RAD51B: variants seen among roughly 807,000 people sequenced by gnomAD.
RAD51B encodes RAD51 paralog B, also known as DNA repair protein RAD51 homolog 2.
Under a neutral mutation model 42.2 loss-of-function variants are expected in RAD51B, and 38 were observed. The observed-to-expected ratio is 0.90, with a 90% CI of 0.70 to 1.18. RAD51B has a LOEUF of 1.18. Ranked by LOEUF, RAD51B falls within the 50% of genes most tolerant of loss-of-function variation. The probability of loss-of-function intolerance (pLI) is 0.00; values close to 1 mark genes in which losing one functional copy is unlikely to be tolerated. For missense variants in RAD51B, 373 were observed against 400.7 expected (o/e 0.93, Z 0.59); for synonymous variants, 154 against 145.2 (o/e 1.06, Z -0.43).
In RAD51B at chr14:68,241,652, T is replaced by A. The variant is rs962051061; in HGVS notation, c.757-50232T>A. Among the ~76,000 whole-genome samples, 63 of 152,186 alleles carry A rather than the reference T, an allele frequency of 4.1e-4. 1 individual carries two copies. Among genetic ancestry groups the A allele is most frequent in the Non-Finnish European group, 2.5e-4 (17 of 68,018 alleles). On this transcript the variant is annotated intron_variant, in intron 7 of 10. Transcript: ENST00000471583. ...ATAGGTTCCATTTAAATTTAAAATTTTTTAGTTCTCAGGTTTTATTTTTTT... is the reference window on the plus strand; with the variant it reads ...ATAGGTTCCATTTAAATTTAAAATTATTTAGTTCTCAGGTTTTATTTTTTT...
chr14:68,447,173 G>C (rs1239697397), intron 9 of RAD51B, among the ~76,000 whole-genome samples: 1 of 152,174 alleles, frequency 6.6e-6, no homozygotes, highest in South Asian at 2.1e-4. Flanking sequence ...AGCCAGGATT[G>C]TGCTACTGCA....
At chr14:68,395,556 G>T (rs923664454) in intron 8 of RAD51B, among the ~76,000 whole-genome samples, 1 of 152,094 alleles carries the variant, frequency 6.6e-6, no homozygotes, top group South Asian at 2.1e-4. Context: ...TTATGCTCTC[G>T]AGGTCTTCCC....
At chr14:68,119,565 G>A (rs544526158) in intron 7 of RAD51B, among the ~76,000 whole-genome samples, 16 of 143,398 alleles carry the variant, frequency 1.1e-4, no homozygotes, top group East Asian at 4.1e-4. Flanking sequence ...GAGAATATGC[G>A]GTGTTTGGTT....
At chr14:68,195,470 G>A (rs1301202425) in intron 7 of RAD51B, among the ~76,000 whole-genome samples, 2 of 152,132 alleles carry the variant, frequency 1.3e-5, no homozygotes, top group Non-Finnish European at 2.9e-5. Flanking sequence ...ACTTTTTTGA[G>A]GATGACCTAC....
chr14:67,916,501 C>G (rs1169962963), intron 7 of RAD51B, among the ~76,000 whole-genome samples: 1 of 152,010 alleles, frequency 6.6e-6, no homozygotes, highest in East Asian at 1.9e-4. Context: ...CCTTGGCCTT[C>G]CAAAGTGCTG....
At chr14:68,033,711 G>A (rs117003469) in intron 7 of RAD51B, among the ~76,000 whole-genome samples, 3 of 152,094 alleles carry the variant, frequency 2.0e-5, no homozygotes, top group Non-Finnish European at 4.4e-5. Flanking sequence ...AGCCCTTCCC[G>A]CAGACTGCTT....
intron 4 of RAD51B, among the ~76,000 whole-genome samples, chr14:67,862,115 T>C (rs1595020495): frequency 6.6e-6 from 1 of 152,034 alleles, no homozygotes; most frequent in Admixed American, 6.6e-5. Context: ...TTCAAATTGC[T>C]AGAAGAGTAG....
At chr14:68,024,458 A>C (rs1043044976) in intron 7 of RAD51B, among the ~76,000 whole-genome samples, 1 of 152,090 alleles carries the variant, frequency 6.6e-6, no homozygotes, top group African/African-American at 2.4e-5. Context: ...TGATTCTTCC[A>C]ATTCATGATC....
At chr14:68,316,897 T>C (rs2082073579) in intron 8 of RAD51B, among the ~76,000 whole-genome samples, 1 of 152,252 alleles carries the variant, frequency 6.6e-6, no homozygotes, top group Non-Finnish European at 1.5e-5. Context: ...ATTTTTAGTA[T>C]AATAAATTTA....
intron 5 of RAD51B, among the ~76,000 whole-genome samples, chr14:67,874,196 C>G (rs1388684915): frequency 6.6e-6 from 1 of 152,070 alleles, no homozygotes; most frequent in Non-Finnish European, 1.5e-5. Context: ...TTTTTAGAAG[C>G]AATGCACTAA....
At chr14:68,513,790 G>A (rs918486466) in intron 10 of RAD51B, among the ~76,000 whole-genome samples, 2 of 152,166 alleles carry the variant, frequency 1.3e-5, no homozygotes, top group Non-Finnish European at 2.9e-5. Context: ...ACATGTGGCT[G>A]TTCACATTTA....
intron 7 of RAD51B, among the ~76,000 whole-genome samples, chr14:68,044,087 A>G (rs763873045): frequency 6.6e-6 from 1 of 152,210 alleles, no homozygotes; most frequent in South Asian, 2.1e-4. Context: ...TCAGCTTCCT[A>G]TTGTTTGTAA....
chr14:67,873,619 C>G (rs1272797514), intron 5 of RAD51B, among the ~76,000 whole-genome samples: 2 of 151,770 alleles, frequency 1.3e-5, no homozygotes, highest in Non-Finnish European at 2.9e-5. Flanking sequence ...AATCATGCTG[C>G]TATAAAGACA....
chr14:68,179,122 T>C (rs1254042866), intron 7 of RAD51B, among the ~76,000 whole-genome samples: 1 of 152,158 alleles, frequency 6.6e-6, no homozygotes, highest in Non-Finnish European at 1.5e-5. Flanking sequence ...TAGTTTTCCT[T>C]TGAAGATAAA....
chr14:68,644,777 C>A (rs1892531792), intron 10 of RAD51B, among the ~76,000 whole-genome samples: 1 of 151,952 alleles, frequency 6.6e-6, no homozygotes, highest in Non-Finnish European at 1.5e-5. Flanking sequence ...AACTTCATCT[C>A]CACAAAAGTC....
intron 7 of RAD51B, among the ~76,000 whole-genome samples, chr14:67,946,699 G>A (rs1306984429): frequency 1.3e-5 from 2 of 152,144 alleles, no homozygotes; most frequent in African/African-American, 4.8e-5. Context: ...AAAAGTCTTT[G>A]ATATAAGCAA....
At chr14:68,448,798 C>G (rs1347050648) in intron 9 of RAD51B, among the ~76,000 whole-genome samples, 2 of 152,004 alleles carry the variant, frequency 1.3e-5, no homozygotes, top group South Asian at 2.1e-4. Context: ...AGCACACACT[C>G]TTATCTTTAG....
intron 7 of RAD51B, 63 bp downstream of exon 7, chr14:67,887,267 A>G (rs1050559111): frequency 6.0e-6 from 8 of 1,336,472 alleles, no homozygotes; most frequent in Admixed American, 4.2e-5. Flanking sequence ...TATTACATTC[A>G]CTGACTTATG....
At chr14:68,675,928 C>T (rs1893293848) in intron 11 of RAD51B, among the ~76,000 whole-genome samples, 1 of 152,146 alleles carries the variant, frequency 6.6e-6, no homozygotes, top group Admixed American at 6.5e-5. Flanking sequence ...GTGCTTATGG[C>T]AGTAGTCAAC....
Sources: gnomAD v4.1 joint callset for allele counts (sites outside exome capture counted in the v4.1 genomes callset) on GRCh38, gnomAD v4.1.1 for gene constraint, MANE v1.5 for transcripts, NCBI Gene and HGNC (gene_info 2026-07-23, HGNC 2026-07-21) for gene names.